The following SCMH1 variants were observed in gnomAD, a reference collection of about 807,000 sequenced individuals.
The protein encoded by SCMH1 is Scm polycomb group protein homolog 1.
Under a neutral mutation model 70.8 loss-of-function variants are expected in SCMH1, and 37 were observed. That is an observed-to-expected ratio of 0.52 (90% CI 0.40 to 0.69). SCMH1 has a LOEUF of 0.69. Among genes scored for constraint, SCMH1 ranks in the 30% least tolerant of loss-of-function variants. The probability of loss-of-function intolerance (pLI) is 0.00; values close to 1 mark genes in which losing one functional copy is unlikely to be tolerated. For missense variants in SCMH1, 607 were observed against 827.3 expected, an observed-to-expected ratio of 0.73 and a Z score of 3.27; for synonymous variants, 292 against 307.4, an observed-to-expected ratio of 0.95 and a Z score of 0.52.
intron 2 of SCMH1, among the ~76,000 whole-genome samples, chr1:41,177,490 G>GA (rs201111972): frequency 1.3e-5 from 2 of 152,042 alleles, no homozygotes; most frequent in Non-Finnish European, 2.9e-5. Flanking sequence ...TAAAAACCTT[G>GA]AAAAAAATTA....
At chr1:41,104,750 T>C (rs1667452665) in intron 8 of SCMH1, among the ~76,000 whole-genome samples, 1 of 152,066 alleles carries the variant, frequency 6.6e-6, no homozygotes, top group Admixed American at 6.6e-5. Flanking sequence ...GCCAAACCTG[T>C]AGAGACCACA....
intron 1 of SCMH1, among the ~76,000 whole-genome samples, chr1:41,228,208 T>G (rs1660633265): frequency 6.6e-6 from 1 of 152,140 alleles, no homozygotes; most frequent in African/African-American, 2.4e-5. Flanking sequence ...AATTGTTCAT[T>G]GTTCTCCCCT....
intron 4 of SCMH1, chr1:41,152,558 T>C (rs769516708): frequency 6.2e-7 from 1 of 1,604,852 alleles, no homozygotes; most frequent in Non-Finnish European, 8.5e-7. Flanking sequence ...AGTTCTTTAT[T>C]TAAAGGTTAA....
chr1:41,234,539 C>T (rs1336948370), intron 1 of SCMH1, among the ~76,000 whole-genome samples: 1 of 138,706 alleles, frequency 7.2e-6, no homozygotes, highest in Non-Finnish European at 1.5e-5. Context: ...ACAATCTCGG[C>T]TCACTGCAAG....
intron 10 of SCMH1, among the ~76,000 whole-genome samples, chr1:41,068,583 TTTGG>T (rs1207057109): frequency 1.3e-5 from 2 of 152,102 alleles, no homozygotes; most frequent in Non-Finnish European, 2.9e-5. Context: ...TTTTTGTATT[TTTGG>T]TAGAGAAGGG....
chr1:41,217,646 A>G (rs558366209), intron 1 of SCMH1, among the ~76,000 whole-genome samples: 4 of 152,334 alleles, frequency 2.6e-5, no homozygotes, highest in African/African-American at 9.6e-5. Context: ...AAGGTTTTTG[A>G]GAATTTCATA....
intron 1 of SCMH1, among the ~76,000 whole-genome samples, chr1:41,215,126 G>A (rs930897895): frequency 1.3e-5 from 2 of 152,146 alleles, no homozygotes; most frequent in East Asian, 1.9e-4. Context: ...AGACAGTTAA[G>A]TGTTAAAGTT....
intron 8 of SCMH1, among the ~76,000 whole-genome samples, chr1:41,105,122 A>ATT (rs577319762): frequency 1.1e-4 from 16 of 143,670 alleles, no homozygotes; most frequent in Non-Finnish European, 1.8e-4. Flanking sequence ...TGCTCAGCTA[A>ATT]TTTTTTTTTT....
chr1:41,188,997 A>G (rs1650981538), intron 1 of SCMH1, among the ~76,000 whole-genome samples: 1 of 152,216 alleles, frequency 6.6e-6, no homozygotes, highest in African/African-American at 2.4e-5. Context: ...TACTATGCCA[A>G]TATGCAGAGA....
chr1:41,028,006 C>T (rs1643982922), exon 15 of SCMH1: 1 of 652,580 alleles, frequency 1.5e-6, no homozygotes, highest in Non-Finnish European at 2.6e-6. Flanking sequence ...CCCACTCTCC[C>T]TCCTCAGTCC....
At chr1:41,232,706 G>A (rs565364722) in intron 1 of SCMH1, among the ~76,000 whole-genome samples, 1 of 152,036 alleles carries the variant, frequency 6.6e-6, no homozygotes, top group Non-Finnish European at 1.5e-5. Flanking sequence ...GTGTTTATAC[G>A]TTTCAACATA....
intron 4 of SCMH1, chr1:41,159,637 C>T (rs1645857894): frequency 3.6e-6 from 5 of 1,371,516 alleles, no homozygotes; most frequent in African/African-American, 3.0e-5. Context: ...GTTTTTTCTA[C>T]CACACATCAG....
intron 1 of SCMH1, among the ~76,000 whole-genome samples, chr1:41,197,889 C>A (rs1653406134): frequency 6.6e-6 from 1 of 152,100 alleles, no homozygotes; most frequent in African/African-American, 2.4e-5. Context: ...TAACATGTTT[C>A]CAAACTGTTC....
At chr1:41,152,482 G>T in intron 4 of SCMH1, 1 of 1,097,802 alleles carries the variant, frequency 9.1e-7, no homozygotes, top group South Asian at 1.5e-5. Flanking sequence ...CTGTGCTGGG[G>T]GAAGGGAAAA....
intron 10 of SCMH1, among the ~76,000 whole-genome samples, chr1:41,057,530 G>A (rs1175553326): frequency 2.0e-5 from 3 of 152,032 alleles, no homozygotes; most frequent in Non-Finnish European, 4.4e-5. Flanking sequence ...GATCACAGGC[G>A]TGAGCCACTG....
chr1:41,219,486 A>G (rs2148838997), intron 1 of SCMH1, among the ~76,000 whole-genome samples: 1 of 152,310 alleles, frequency 6.6e-6, no homozygotes, highest in East Asian at 1.9e-4. Flanking sequence ...ATAAACTTGT[A>G]GAGTCTGACT....
At chr1:41,167,116 C>T (rs555950189) in intron 2 of SCMH1, among the ~76,000 whole-genome samples, 2 of 152,056 alleles carry the variant, frequency 1.3e-5, no homozygotes, top group South Asian at 4.1e-4. Flanking sequence ...GATTTTTGTC[C>T]TTTATTCTGT....
intron 8 of SCMH1, among the ~76,000 whole-genome samples, chr1:41,082,074 C>A (rs989276722): frequency 3.9e-5 from 6 of 152,048 alleles, no homozygotes; most frequent in East Asian, 1.9e-4. Context: ...GCTAAAACAT[C>A]AAATTTCTAG....
intron 8 of SCMH1, among the ~76,000 whole-genome samples, chr1:41,090,581 C>T (rs6600365): frequency 0.65 from 98,609 of 151,914 alleles, 33,539 homozygotes; most frequent in African/African-American, 0.86. Flanking sequence ...CCCAATAACC[C>T]TGATTTAATC....
Sources: gnomAD v4.1 joint callset for allele counts (sites outside exome capture counted in the v4.1 genomes callset) on GRCh38, gnomAD v4.1.1 for gene constraint, MANE v1.5 for transcripts, NCBI Gene and HGNC (gene_info 2026-07-23, HGNC 2026-07-21) for gene names.